The following GMPR variants were observed in gnomAD, a reference collection of about 807,000 sequenced individuals.
The protein encoded by GMPR is GMP reductase 1.
In GMPR, 31 loss-of-function variants were observed where a neutral mutation model predicts 38.4. The ratio of observed to expected loss-of-function variants is 0.81; its 90% CI spans 0.61 to 1.09. The LOEUF (loss-of-function observed/expected upper bound fraction) is 1.09. Ranked by LOEUF, GMPR falls within the 50% of genes least tolerant of loss-of-function variation. The pLI, the probability that GMPR is intolerant of heterozygous loss-of-function variation, is 0.00. For synonymous variants in GMPR, 162 were observed against 173.3 expected, an observed-to-expected ratio of 0.93 and a Z score of 0.51; for missense variants, 468 against 453.7, an observed-to-expected ratio of 1.03 and a Z score of -0.29.
At chr6:16,241,024 A>G (rs1208931182) in intron 1 of GMPR, among the ~76,000 whole-genome samples, 3 of 151,890 alleles carry the variant, frequency 2.0e-5, no homozygotes, top group Admixed American at 6.6e-5. Context: ...TCCCCTCTCA[A>G]TGTTTTCTCA....
chr6:16,242,814 T>A (rs1758677172), intron 1 of GMPR, among the ~76,000 whole-genome samples: 1 of 152,136 alleles, frequency 6.6e-6, no homozygotes, highest in South Asian at 2.1e-4. Flanking sequence ...AATTTTGTAT[T>A]TTTAGTAGAG....
chr6:16,295,067 G>A lies in GMPR; in HGVS notation c.919G>A (p.Asp307Asn). The change falls in exon 9 of 9, where the codon GAT becomes AAT. Residue 307 changes from aspartate to asparagine, a missense_variant. Transcript: ENST00000259727. The stretch of plus-strand genomic sequence containing the variant: ...AGGAGATGTGGAAAACACTATCCTG[G>A]ATATTCTCGGGGGACTGAGGTCCAC... ...YKGDVENTIL[D>N]ILGGLRSTCT... 1 of 1,607,062 alleles carries A rather than the reference G, an allele frequency of 6.2e-7. No homozygotes were observed. The highest frequency in any genetic ancestry group is 1.1e-5 in the South Asian group (1 of 90,736).
chr6:16,290,232 C>G (rs1759811450), intron 7 of GMPR: 2 of 562,390 alleles, frequency 3.6e-6, no homozygotes, highest in Admixed American at 5.8e-5. Context: ...GGGACACTAG[C>G]CTTCAGTAGG....
chr6:16,294,883 T>TG, intron 8 of GMPR, 123 bp from the exon 9 acceptor site: 1 of 699,840 alleles, frequency 1.4e-6, no homozygotes, highest in Non-Finnish European at 2.4e-6. Context: ...GGTCAGAGGG[T>TG]GGGGTCTGGT....
chr6:16,273,866 A>C (rs1341616730), intron 4 of GMPR, among the ~76,000 whole-genome samples: 1 of 130,080 alleles, frequency 7.7e-6, no homozygotes, highest in African/African-American at 3.1e-5. Context: ...TCCAGGCTGG[A>C]GTACAGTGGT....
chr6:16,270,674 C>T (rs139597617), intron 4 of GMPR, among the ~76,000 whole-genome samples: 4 of 151,932 alleles, frequency 2.6e-5, no homozygotes, highest in African/African-American at 9.7e-5. Flanking sequence ...CTTTTTGTTC[C>T]TGCCAATGGA....
chr6:16,247,021 G>GA (rs1476707844), intron 2 of GMPR, 60 bp downstream of exon 2: 1 of 1,532,600 alleles, frequency 6.5e-7, no homozygotes, highest in Admixed American at 1.9e-5. Flanking sequence ...AGGTTATCAG[G>GA]AGCCGACCCT....
chr6:16,294,562 G>C (rs569525115), intron 8 of GMPR, among the ~76,000 whole-genome samples: 105 of 152,326 alleles, frequency 6.9e-4, no homozygotes, highest in African/African-American at 2.4e-3. Flanking sequence ...CTGTTTCCAG[G>C]GGGGAATCGG....
chr6:16,257,435 C>G (rs1759003215), intron 4 of GMPR, among the ~76,000 whole-genome samples: 1 of 152,168 alleles, frequency 6.6e-6, no homozygotes, highest in Non-Finnish European at 1.5e-5. Flanking sequence ...TTGAGATTCA[C>G]CACATTGCTT....
intron 1 of GMPR, among the ~76,000 whole-genome samples, chr6:16,245,065 A>G (rs1758728182): frequency 6.6e-6 from 1 of 152,186 alleles, no homozygotes; most frequent in African/African-American, 2.4e-5. Flanking sequence ...GATTGTTTCA[A>G]GCCTGCCAAG....
chr6:16,243,771 C>T (rs752661339), intron 1 of GMPR, among the ~76,000 whole-genome samples: 4 of 152,174 alleles, frequency 2.6e-5, no homozygotes, highest in Admixed American at 2.0e-4. Context: ...CCTTAGGCCA[C>T]GCTCCAAGTA....
At chr6:16,248,838 A>G (rs1758809447) in intron 2 of GMPR, among the ~76,000 whole-genome samples, 1 of 152,194 alleles carries the variant, frequency 6.6e-6, no homozygotes, top group Non-Finnish European at 1.5e-5. Context: ...AATTCACATA[A>G]TAGATTATAG....
chr6:16,239,452 A>T (rs1224487602), intron 1 of GMPR, among the ~76,000 whole-genome samples: 1 of 152,222 alleles, frequency 6.6e-6, no homozygotes, highest in Non-Finnish European at 1.5e-5. Context: ...GATGTCCTCA[A>T]ATCCTAAGGA....
At chr6:16,290,135 T>A (rs926785179) in intron 7 of GMPR, 1 of 229,572 alleles carries the variant, frequency 4.4e-6, no homozygotes, top group Admixed American at 4.8e-5. Flanking sequence ...TCCCCAATCT[T>A]AATGTTTCTG....
chr6:16,285,978 C>A, intron 7 of GMPR, 143 bp downstream of exon 7: 1 of 712,484 alleles, frequency 1.4e-6, no homozygotes. Flanking sequence ...TGGGTTTCAG[C>A]CCCAATTGGC....
intron 8 of GMPR, among the ~76,000 whole-genome samples, chr6:16,292,455 G>A (rs912529290): frequency 5.3e-5 from 8 of 152,102 alleles, no homozygotes; most frequent in Non-Finnish European, 7.4e-5. Context: ...GGGAAAGATC[G>A]ATGGGGACTG....
chr6:16,239,027 T>C (rs1442813649), intron 1 of GMPR, among the ~76,000 whole-genome samples: 2 of 151,980 alleles, frequency 1.3e-5, no homozygotes, highest in Admixed American at 6.6e-5. Flanking sequence ...AAGTTCACAG[T>C]GAAACTCGAC....
intron 6 of GMPR, among the ~76,000 whole-genome samples, chr6:16,284,232 T>C (rs893022484): frequency 5.3e-5 from 8 of 152,152 alleles, no homozygotes; most frequent in African/African-American, 1.9e-4. Flanking sequence ...TGCAAAGAAG[T>C]AGTGAAATAG....
At chr6:16,253,348 A>G (rs1365225334) in intron 3 of GMPR, among the ~76,000 whole-genome samples, 1 of 152,244 alleles carries the variant, frequency 6.6e-6, no homozygotes, top group African/African-American at 2.4e-5. Flanking sequence ...GGTAATTTAT[A>G]AAGAAAAGAG....
Sources: gnomAD v4.1 joint callset for allele counts (sites outside exome capture counted in the v4.1 genomes callset) on GRCh38, gnomAD v4.1.1 for gene constraint, MANE v1.5 for transcripts, NCBI Gene and HGNC (gene_info 2026-07-23, HGNC 2026-07-21) for gene names.